The following NFIC variants were observed in gnomAD, a reference collection of about 807,000 sequenced individuals.
NFIC encodes the protein nuclear factor 1 C-type.
A neutral mutation model predicts 54.4 loss-of-function variants in NFIC; 12 were observed. That is an observed-to-expected ratio of 0.22 (90% CI 0.14 to 0.36). The LOEUF (loss-of-function observed/expected upper bound fraction) is 0.36, where lower values mean the gene tolerates loss of function less well. Ranked by LOEUF, NFIC falls within the 10% of genes least tolerant of loss-of-function variation. NFIC has a pLI of 1.00. For missense variants in NFIC, 575 were observed against 718.2 expected (o/e 0.80, Z 2.28); for synonymous variants, 322 against 319.2 (o/e 1.01, Z -0.09).
chr19:3,422,995 G>A (rs983975145), intron 2 of NFIC, among the ~76,000 whole-genome samples: 16 of 145,996 alleles, frequency 1.1e-4, no homozygotes, highest in African/African-American at 3.6e-4. Flanking sequence ...TCAGGAGTTC[G>A]AGACCAGCCT....
Position 3,418,099 on chromosome 19 carries a change from CTTTTTTTTT to C in NFIC, c.563-6998_563-6990del, listed in dbSNP as rs778206013. ...GCAACTTAAAATTTAATTTTCTTTTCTTTTTTTTTTTTTTTTTGAGACATAGTCTCGCTC... is the reference window on the plus strand; with the variant it reads ...GCAACTTAAAATTTAATTTTCTTTTCTTTTTTTTGAGACATAGTCTCGCTC... On this transcript the variant is annotated intron_variant, in intron 2 of 10. Coordinates refer to ENST00000443272, the MANE Select transcript of NFIC (RefSeq NM_001245002.2). Among the ~76,000 whole-genome samples the C allele has an allele frequency of 3.0e-5, 4 of 132,460 alleles. No individual in the cohort carries two copies. In the East Asian group the frequency reaches 8.8e-4, roughly 29 times the overall value. The allele number at this position is 132,460 out of a possible 152,430, so 86.9% of individuals were successfully genotyped here. A position where few individuals can be genotyped will look rare whatever the true frequency, so the allele number is the denominator to read the frequency against.
intron 2 of NFIC, among the ~76,000 whole-genome samples, chr19:3,394,943 C>T (rs2145515702): frequency 6.6e-6 from 1 of 152,200 alleles, no homozygotes; most frequent in Middle Eastern, 3.4e-3. Flanking sequence ...TGAAATCGGT[C>T]CCTGGGGCCA....
chr19:3,365,844 G>A (rs921768279), upstream of NFIC, among the ~76,000 whole-genome samples: 1 of 141,312 alleles, frequency 7.1e-6, no homozygotes, highest in Non-Finnish European at 1.5e-5. Context: ...GTTAGCCTGG[G>A]CCCTTCTGGC....
At chr19:3,394,884 C>G (rs2081438075) in intron 2 of NFIC, among the ~76,000 whole-genome samples, 1 of 152,064 alleles carries the variant, frequency 6.6e-6, no homozygotes, top group Admixed American at 6.6e-5. Flanking sequence ...CTAGTTTCAT[C>G]CCAGAACCAT....
intron 6 of NFIC, among the ~76,000 whole-genome samples, chr19:3,438,684 A>G (rs765570486): frequency 6.6e-6 from 1 of 151,714 alleles, no homozygotes; most frequent in Admixed American, 6.6e-5. Flanking sequence ...TGATCCGCCC[A>G]TCTCGGCCTC....
chr19:3,429,132 A>ACACAC (rs1322939958), intron 3 of NFIC, among the ~76,000 whole-genome samples: 3 of 67,384 alleles, frequency 4.5e-5, no homozygotes, highest in African/African-American at 2.0e-4. Context: ...CCAAAAAAAA[A>ACACAC]ATATACACAC....
chr19:3,442,398 TG>T (rs750718661), intron 6 of NFIC, among the ~76,000 whole-genome samples: 8,217 of 149,494 alleles, frequency 0.055, 249 homozygotes, highest in Middle Eastern at 0.099. Context: ...TTTTTTTTTT[TG>T]AGTCAGAATC....
intron 2 of NFIC, among the ~76,000 whole-genome samples, chr19:3,403,596 A>AG (rs2145544404): frequency 6.6e-6 from 1 of 152,218 alleles, no homozygotes; most frequent in Admixed American, 6.5e-5. Context: ...AGGCCCAGAG[A>AG]GGGGCAGGGC....
At chr19:3,449,231 G>A in intron 7 of NFIC, 92 bp downstream of exon 7, 1 of 1,505,342 alleles carries the variant, frequency 6.6e-7, no homozygotes. Flanking sequence ...GTCTGACCAT[G>A]AGTCCTATTG....
chr19:3,367,514 T>G (rs2080917580), intron 1 of NFIC, among the ~76,000 whole-genome samples: 2 of 151,598 alleles, frequency 1.3e-5, no homozygotes, highest in South Asian at 2.1e-4. Context: ...CTCTCACCCC[T>G]GGCCGCACTC....
chr19:3,435,018 C>G, intron 5 of NFIC, 65 bp from the exon 6 acceptor site: 2 of 1,486,596 alleles, frequency 1.3e-6, no homozygotes, highest in Non-Finnish European at 1.8e-6. Flanking sequence ...TAGCAAAGCC[C>G]GCCGTCGCGC....
rs530560492 is a variant in NFIC, at chr19:3,372,209, C to T, written c.30+5543C>T. Among the ~76,000 whole-genome samples the T allele has an allele frequency of 5.5e-4, 84 of 152,072 alleles. No homozygotes were observed. The South Asian group carries it at 0.015, about 27-fold the overall frequency. On this transcript the variant is annotated intron_variant, in intron 1 of 10. Coordinates refer to ENST00000443272, the MANE Select transcript of NFIC (RefSeq NM_001245002.2). ...CTAACTTTTGTATTTTTAGTAGAGA[C>T]GGGGTTTCACCATGTTGGCCAGGCT...
At chr19:3,423,310 C>G (rs2081980725) in intron 2 of NFIC, among the ~76,000 whole-genome samples, 1 of 152,222 alleles carries the variant, frequency 6.6e-6, no homozygotes, top group East Asian at 1.9e-4. Flanking sequence ...TCCTCACTGC[C>G]TCCCAGCTCT....
chr19:3,443,275 A>C (rs1157343576), intron 6 of NFIC, among the ~76,000 whole-genome samples: 1 of 152,080 alleles, frequency 6.6e-6, no homozygotes, highest in Non-Finnish European at 1.5e-5. Context: ...ATACCAAATT[A>C]GCTGCATGTG....
intron 1 of NFIC, among the ~76,000 whole-genome samples, chr19:3,374,431 C>G (rs964544757): frequency 1.3e-5 from 2 of 152,144 alleles, no homozygotes; most frequent in African/African-American, 4.8e-5. Flanking sequence ...TCCTTTCTGC[C>G]CATTGTACAG....
In NFIC at chr19:3,442,807, G is replaced by A. The variant is rs188393848; in HGVS notation, c.959-6207G>A. Among the ~76,000 whole-genome samples, 51 of 152,270 alleles carry A rather than the reference G, an allele frequency of 3.3e-4. 1 individual carries two copies. The East Asian group carries it at 8.5e-3, about 25-fold the overall frequency. On this transcript the variant is annotated intron_variant, in intron 6 of 10. Coordinates refer to ENST00000443272, the MANE Select transcript of NFIC (RefSeq NM_001245002.2). ...GGCTCTATGGCCTTAGGCGAGTGAC[G>A]TCCCCCATCAGGCCTCAGCCTCCAC...
intron 1 of NFIC, among the ~76,000 whole-genome samples, chr19:3,379,456 C>T (rs139078184): frequency 0.014 from 2,094 of 151,918 alleles, 45 homozygotes; most frequent in African/African-American, 0.047. Flanking sequence ...CTGGGTTCTC[C>T]TGCCTCAGCC....
At chr19:3,387,983 C>T (rs1313567795) in intron 2 of NFIC, among the ~76,000 whole-genome samples, 1 of 152,226 alleles carries the variant, frequency 6.6e-6, no homozygotes, top group South Asian at 2.1e-4. Context: ...GGGCACCGTG[C>T]CAGGGCTGGG....
At position 3,369,556 on chromosome 19, in the gene NFIC, C is replaced by T. The variant is rs1015097524; in HGVS notation, c.30+2890C>T. 4.6e-5 allele frequency among the ~76,000 whole-genome samples: 7 copies of T among 152,172 alleles called. No individual in the cohort carries two copies. Among genetic ancestry groups the T allele is most frequent in the Admixed American group, 1.3e-4 (2 of 15,292 alleles). ...CGGTGCCAGCCCGCTCTGTGCCACC[C>T]GGGCCCGGCCCGCCGAGTGGGGAGT... On this transcript the variant is annotated intron_variant, in intron 1 of 10. Coordinates refer to ENST00000443272, the MANE Select transcript of NFIC (RefSeq NM_001245002.2). This position sits in a 1 kb window ranked among gnomAD's most constrained non-coding sequence, Gnocchi z 4.3.
Sources: allele counts gnomAD v4.1 joint callset (sites outside exome capture counted in the v4.1 genomes callset), GRCh38; gene constraint gnomAD v4.1.1; non-coding constraint Gnocchi (gnomAD v3.1); transcripts MANE v1.5; gene names NCBI Gene and HGNC (gene_info 2026-07-23, HGNC 2026-07-21).